Variants in SLC24A2 observed in about 807,000 individuals in gnomAD.
SLC24A2 encodes the protein sodium/potassium/calcium exchanger 2.
Under a neutral mutation model 62.0 loss-of-function variants are expected in SLC24A2, and 36 were observed. That is an observed-to-expected ratio of 0.58 (90% confidence interval 0.44 to 0.77). The LOEUF is 0.77. SLC24A2 is among the 30% of genes least tolerant of loss of function. SLC24A2 has a pLI of 0.00. For missense variants in SLC24A2, 846 were observed against 817.9 expected (o/e 1.03, Z -0.42); for synonymous variants, 358 against 294.0 (o/e 1.22, Z -2.23).
chr9:19,740,519 G>C (rs987635763), intron 2 of SLC24A2, among the ~76,000 whole-genome samples: 1 of 152,144 alleles, frequency 6.6e-6, no homozygotes, highest in East Asian at 1.9e-4. Flanking sequence ...GTTCACAATA[G>C]GTGACAGTGG....
chr9:19,718,603 G>A (rs913713080), intron 2 of SLC24A2, among the ~76,000 whole-genome samples: 5 of 151,814 alleles, frequency 3.3e-5, no homozygotes, highest in Admixed American at 6.6e-5. Context: ...GAGCCACTGC[G>A]CCCAGCCAAT....
the SLC24A2 span, among the ~76,000 whole-genome samples, chr9:20,259,213 A>G: frequency 6.6e-6 from 1 of 152,184 alleles, no homozygotes; most frequent in Admixed American, 6.5e-5. Flanking sequence ...TGATACCTTG[A>G]TTTTAGCCCA....
At chr9:19,571,662 A>G (rs954039885) in intron 7 of SLC24A2, among the ~76,000 whole-genome samples, 2 of 152,236 alleles carry the variant, frequency 1.3e-5, no homozygotes. Context: ...ACCTCCCCAG[A>G]GAATTTGTAA....
At chr9:20,104,217 A>G in the SLC24A2 span, among the ~76,000 whole-genome samples, 545 of 152,322 alleles carry the variant, frequency 3.6e-3, 2 homozygotes, top group Non-Finnish European at 4.6e-3. Flanking sequence ...CCAAATCTAC[A>G]TCTGATTGGT....
chr9:19,826,724 A>G, the SLC24A2 span, among the ~76,000 whole-genome samples: 1 of 152,190 alleles, frequency 6.6e-6, no homozygotes. Context: ...TAGAGCCCTC[A>G]TGGGCCAATT....
chr9:20,078,057 G>C, the SLC24A2 span, among the ~76,000 whole-genome samples: 29 of 147,594 alleles, frequency 2.0e-4, no homozygotes, highest in Admixed American at 1.3e-4. Context: ...ATGGGGTTGG[G>C]GGATACTTTC....
intron 2 of SLC24A2, among the ~76,000 whole-genome samples, chr9:19,678,303 T>A (rs2118370204): frequency 6.6e-6 from 1 of 152,336 alleles, no homozygotes; most frequent in East Asian, 1.9e-4. Context: ...AACCTTCTCC[T>A]ACATCTATAT....
At chr9:20,083,252 A>G in the SLC24A2 span, among the ~76,000 whole-genome samples, 1 of 152,232 alleles carries the variant, frequency 6.6e-6, no homozygotes, top group Non-Finnish European at 1.5e-5. Context: ...CAGCCTAGCT[A>G]CTTGCTCTTT....
the SLC24A2 span, among the ~76,000 whole-genome samples, chr9:20,217,744 G>A: frequency 6.6e-6 from 1 of 152,112 alleles, no homozygotes; most frequent in African/African-American, 2.4e-5. Flanking sequence ...CTTTTTCCTG[G>A]AGAATATCTG....
chr9:19,880,265 T>C, the SLC24A2 span, among the ~76,000 whole-genome samples: 1 of 152,170 alleles, frequency 6.6e-6, no homozygotes, highest in Non-Finnish European at 1.5e-5. Flanking sequence ...CATTAACACA[T>C]GGAGAACCAG....
chr9:19,519,717 G>A (rs796104302), intron 10 of SLC24A2, among the ~76,000 whole-genome samples: 5 of 152,222 alleles, frequency 3.3e-5, no homozygotes, highest in African/African-American at 1.2e-4. Flanking sequence ...AGTTTTTAGG[G>A]GCAAGAGCCT....
the SLC24A2 span, among the ~76,000 whole-genome samples, chr9:19,961,970 GA>G: frequency 1.3e-5 from 2 of 152,304 alleles, no homozygotes; most frequent in South Asian, 4.1e-4. Context: ...TTGACTCTCA[GA>G]AACTATGAGA....
chr9:20,103,383 C>A, the SLC24A2 span, among the ~76,000 whole-genome samples: 1,222 of 152,330 alleles, frequency 8.0e-3, 20 homozygotes, highest in African/African-American at 0.028. Flanking sequence ...TGAGAACAGG[C>A]AGACTGCCTC....
chr9:19,566,636 C>G (rs1227427362), intron 7 of SLC24A2, among the ~76,000 whole-genome samples: 1 of 152,168 alleles, frequency 6.6e-6, no homozygotes, highest in Non-Finnish European at 1.5e-5. Context: ...GATTATAAAT[C>G]ATGCTGCTAT....
intron 2 of SLC24A2, among the ~76,000 whole-genome samples, chr9:19,703,919 C>T (rs1820431052): frequency 6.6e-6 from 1 of 152,118 alleles, no homozygotes; most frequent in South Asian, 2.1e-4. Flanking sequence ...ATCTACAGGA[C>T]TTTTTCTCCT....
the SLC24A2 span, among the ~76,000 whole-genome samples, chr9:20,050,431 G>T: frequency 6.6e-6 from 1 of 151,624 alleles, no homozygotes; most frequent in Non-Finnish European, 1.5e-5. Flanking sequence ...AATAAATAAA[G>T]CCATCCATTA....
chr9:19,786,814 T>C lies in SLC24A2; in HGVS notation c.53A>G (p.Asp18Gly). 1.2e-6 allele frequency: 2 copies of C among 1,612,368 alleles called. No individual in the cohort carries two copies. The highest frequency in any genetic ancestry group is 8.5e-7 in the Non-Finnish European group (1 of 1,179,530). Residue 18 changes from aspartate to glycine, a missense_variant, in exon 2 of 11, where the codon GAT (aspartate) becomes GGT (glycine). Transcript: ENST00000341998. This position sits in a 1 kb window ranked among gnomAD's most constrained non-coding sequence, Gnocchi z 5.0. ...TCTTCTGCAGCCAGACAGTGACTCA[T>C]CCAAACACCATTTCTCTAGGGAAGT... ...TITSLEKWCL[D>G]ESLSGCRRHY...
intron 9 of SLC24A2, among the ~76,000 whole-genome samples, chr9:19,524,334 T>C (rs906401496): frequency 1.2e-4 from 18 of 148,132 alleles, no homozygotes; most frequent in African/African-American, 4.2e-4. Flanking sequence ...GGATTGACTT[T>C]AACTACAGGT....
At chr9:19,671,780 G>A (rs1193384287) in intron 2 of SLC24A2, among the ~76,000 whole-genome samples, 1 of 119,726 alleles carries the variant, frequency 8.4e-6, no homozygotes, top group South Asian at 2.5e-4. Flanking sequence ...GCTGGATTTT[G>A]TCAAATGCTT....
Sources: gnomAD v4.1 joint callset for allele counts (sites outside exome capture counted in the v4.1 genomes callset) on GRCh38, gnomAD v4.1.1 for gene constraint, Gnocchi (gnomAD v3.1) non-coding constraint, MANE v1.5 for transcripts, NCBI Gene and HGNC (gene_info 2026-07-23, HGNC 2026-07-21) for gene names.